The following KLRD1 variants were observed in gnomAD, a reference collection of about 807,000 sequenced individuals.
KLRD1 encodes natural killer cells antigen CD94.
KLRD1 carries 21 observed loss-of-function variants against 22.6 expected under a neutral mutation model. The observed-to-expected ratio is 0.93, with a 90% confidence interval of 0.66 to 1.34. KLRD1 has a LOEUF of 1.34. KLRD1 is among the 40% of genes most tolerant of loss of function. The probability of loss-of-function intolerance (pLI) is 0.00; values close to 1 mark genes in which losing one functional copy is unlikely to be tolerated. For missense variants in KLRD1, 183 were observed against 208.6 expected (o/e 0.88, Z 0.76); for synonymous variants, 59 against 71.1 (o/e 0.83, Z 0.85).
upstream of KLRD1, among the ~76,000 whole-genome samples, chr12:10,300,751 A>G (rs1949859616): frequency 6.6e-6 from 1 of 152,266 alleles, no homozygotes. Context: ...ATAAGAAAGA[A>G]GTCTGCACTA....
intron 1 of KLRD1, among the ~76,000 whole-genome samples, chr12:10,258,971 T>C (rs1184606063): frequency 6.6e-6 from 1 of 152,150 alleles, no homozygotes; most frequent in East Asian, 1.9e-4. Flanking sequence ...AAAGGAGCAA[T>C]GAGCAGAGAT....
chr12:10,309,485 G>C lies in KLRD1; in HGVS notation c.100+5G>C. ...TGGGAATTTTGTTGAAAAATTGTAAGTTTTTCTAAGCAAGTCTCCATAAAA... is the reference window on the plus strand; with the variant it reads ...TGGGAATTTTGTTGAAAAATTGTAACTTTTTCTAAGCAAGTCTCCATAAAA... On this transcript the variant is annotated splice_donor_5th_base_variant and intron_variant, in intron 2 of 5. Transcript: ENST00000336164. The C allele has an allele frequency of 7.0e-7, 1 of 1,427,182 alleles. No individual in the cohort carries two copies. Among genetic ancestry groups the C allele is most frequent in the African/African-American group, 1.4e-5 (1 of 71,614 alleles). 88.4% of individuals were successfully genotyped at this position (1,427,182 alleles called of 1,614,324 possible).
chr12:10,248,141 C>G (rs1237040769), intron 1 of KLRD1, among the ~76,000 whole-genome samples: 1 of 152,112 alleles, frequency 6.6e-6, no homozygotes, highest in African/African-American at 2.4e-5. Flanking sequence ...GTTGGTCCTG[C>G]ATGTTTTACT....
At chr12:10,280,695 A>G (rs1949632536) in intron 1 of KLRD1, among the ~76,000 whole-genome samples, 1 of 151,748 alleles carries the variant, frequency 6.6e-6, no homozygotes, top group South Asian at 2.1e-4. Flanking sequence ...GAAAACAGAC[A>G]GAAGCCAGAG....
intron 1 of KLRD1, among the ~76,000 whole-genome samples, chr12:10,289,038 C>G (rs892961558): frequency 5.3e-5 from 8 of 152,170 alleles, no homozygotes; most frequent in African/African-American, 1.9e-4. Context: ...GTTCCATCGG[C>G]AGATACTGAC....
chr12:10,301,356 G>C (rs1244375077), upstream of KLRD1, among the ~76,000 whole-genome samples: 1 of 152,162 alleles, frequency 6.6e-6, no homozygotes, highest in Non-Finnish European at 1.5e-5. Context: ...ATGCCACCCA[G>C]TGTGGAGGGC....
intron 1 of KLRD1, among the ~76,000 whole-genome samples, chr12:10,263,424 C>G (rs1949471868): frequency 6.6e-6 from 1 of 151,834 alleles, no homozygotes; most frequent in Non-Finnish European, 1.5e-5. Context: ...TTGATGTGTT[C>G]TATAATATTT....
intron 1 of KLRD1, among the ~76,000 whole-genome samples, chr12:10,292,524 G>C (rs1022649673): frequency 6.6e-6 from 1 of 152,140 alleles, no homozygotes; most frequent in Non-Finnish European, 1.5e-5. Context: ...TTCTCAATGA[G>C]CCATAACATT....
chr12:10,279,777 T>C (rs1949623867), intron 1 of KLRD1, among the ~76,000 whole-genome samples: 1 of 152,214 alleles, frequency 6.6e-6, no homozygotes, highest in Admixed American at 6.5e-5. Context: ...CACATTATTA[T>C]CTGTCTCTAC....
intron 1 of KLRD1, among the ~76,000 whole-genome samples, chr12:10,277,165 T>C (rs1949600310): frequency 7.5e-6 from 1 of 133,752 alleles, no homozygotes; most frequent in African/African-American, 2.9e-5. Context: ...AAGGTAGAGG[T>C]GGGTTTCTGA....
At chr12:10,305,354 TTC>T (rs1949906498), upstream of KLRD1, among the ~76,000 whole-genome samples, 1 of 152,232 alleles carries the variant, frequency 6.6e-6, no homozygotes, top group African/African-American at 2.4e-5. Context: ...TTAGTCTGGT[TTC>T]TCTCGGCAGC....
intron 1 of KLRD1, among the ~76,000 whole-genome samples, chr12:10,293,450 T>C (rs1949795299): frequency 6.6e-6 from 1 of 151,762 alleles, no homozygotes; most frequent in African/African-American, 2.4e-5. Flanking sequence ...TTGGGAGGCC[T>C]AAGGAAAGGT....
chr12:10,297,864 A>G (rs1319354997), intron 1 of KLRD1, among the ~76,000 whole-genome samples: 1 of 152,162 alleles, frequency 6.6e-6, no homozygotes, highest in Admixed American at 6.5e-5. Flanking sequence ...TCCCAGATGA[A>G]ATATATAATC....
At position 10,313,360 on chromosome 12, in the gene KLRD1, C is replaced by T. The variant is rs192588244; in HGVS notation, c.316-50C>T. The T allele has an allele frequency of 1.4e-3, 1,541 of 1,115,848 alleles. 3 individuals carry two copies. Among genetic ancestry groups the T allele is most frequent in the Non-Finnish European group, 1.6e-3 (1,221 of 746,602 alleles). 69.1% of individuals were successfully genotyped at this position (1,115,848 alleles called of 1,614,324 possible). On this transcript the variant is annotated intron_variant, in intron 4 of 5. Transcript: ENST00000336164. ...GACTTTCCCTCAAAATATGTTATTC[C>T]CAGAATAGATTAAAATTAGATTAAT...
At chr12:10,270,176 G>A (rs1949537020) in intron 1 of KLRD1, among the ~76,000 whole-genome samples, 1 of 152,042 alleles carries the variant, frequency 6.6e-6, no homozygotes, top group African/African-American at 2.4e-5. Flanking sequence ...TTTTTATGAG[G>A]ACACCGGGGC....
At chr12:10,288,242 C>T (rs868042033) in intron 1 of KLRD1, among the ~76,000 whole-genome samples, 1 of 94,924 alleles carries the variant, frequency 1.1e-5, no homozygotes, top group Non-Finnish European at 2.3e-5. Flanking sequence ...GACTCCGTCT[C>T]AAAAAAAAAA....
At chr12:10,313,643 G>T in intron 5 of KLRD1, 130 bp downstream of exon 5, 33 of 462,270 alleles carry the variant, frequency 7.1e-5, no homozygotes, top group Non-Finnish European at 8.1e-5. Context: ...ACAGTAAAAG[G>T]AAAAAGTACA....
intron 1 of KLRD1, among the ~76,000 whole-genome samples, chr12:10,277,176 T>G (rs1251039620): frequency 6.6e-6 from 1 of 150,552 alleles, no homozygotes; most frequent in Non-Finnish European, 1.5e-5. Context: ...GGGTTTCTGA[T>G]CTATCTCAAA....
At chr12:10,248,553 C>CCTTCCTTA in intron 1 of KLRD1, among the ~76,000 whole-genome samples, 1 of 142,364 alleles carries the variant, frequency 7.0e-6, no homozygotes, top group Non-Finnish European at 1.5e-5. Flanking sequence ...TTCCTTCCTT[C>CCTTCCTTA]CTTCCTTCCT....
Sources: gnomAD v4.1 joint callset for allele counts (sites outside exome capture counted in the v4.1 genomes callset) on GRCh38, gnomAD v4.1.1 for gene constraint, MANE v1.5 for transcripts, NCBI Gene and HGNC (gene_info 2026-07-23, HGNC 2026-07-21) for gene names.